SGIP1: variants seen among roughly 807,000 people sequenced by gnomAD.
SGIP1 encodes the protein SH3GL interacting endocytic adaptor 1.
A neutral mutation model predicts 107.5 loss-of-function variants in SGIP1; 38 were observed. That is an observed-to-expected ratio of 0.35 (90% CI 0.27 to 0.46). SGIP1 has a LOEUF of 0.46. SGIP1 is among the 20% of genes least tolerant of loss of function. The pLI, the probability that SGIP1 is intolerant of heterozygous loss-of-function variation, is 1.00. For missense variants in SGIP1, 929 were observed against 1,019.5 expected (o/e 0.91, Z 1.21); for synonymous variants, 365 against 366.1 (o/e 1.00, Z 0.03).
Position 66,743,230 on chromosome 1 carries a change from T to TC in SGIP1, c.*136dup. 7.6e-6 allele frequency: 6 copies of TC among 792,406 alleles called. No individual in the cohort carries two copies. Among genetic ancestry groups the TC allele is most frequent in the Non-Finnish European group, 1.2e-5 (6 of 486,362 alleles). 49.1% of individuals were successfully genotyped at this position (792,406 alleles called of 1,614,324 possible). On this transcript the variant is annotated 3_prime_UTR_variant, in exon 25 of 25. Transcript: ENST00000371037. ...ATATCAGGTGGAAAGTCAATGACTT[T>TC]CATCTGTGATTTCCCTCACACACTA... is the stretch of plus-strand genomic sequence containing the variant.
At chr1:66,685,706 C>A (rs562738383) in intron 15 of SGIP1, among the ~76,000 whole-genome samples, 1 of 152,080 alleles carries the variant, frequency 6.6e-6, no homozygotes, top group Non-Finnish European at 1.5e-5. Context: ...AGTACCTAGC[C>A]GCATGTGGTT....
intron 17 of SGIP1, chr1:66,694,631 C>A: frequency 1.6e-6 from 1 of 625,700 alleles, no homozygotes; most frequent in Non-Finnish European, 2.5e-6. Flanking sequence ...CTCAGATGCA[C>A]CCTGTATATT....
At chr1:66,673,400 T>C in intron 12 of SGIP1, 34 bp downstream of exon 12, 5 of 1,536,458 alleles carry the variant, frequency 3.3e-6, no homozygotes, top group Non-Finnish European at 3.5e-6. Context: ...TATAGATTTG[T>C]TTTTTCTTTT....
chr1:66,605,970 T>C (rs2066753194), intron 1 of SGIP1, among the ~76,000 whole-genome samples: 1 of 152,178 alleles, frequency 6.6e-6, no homozygotes, highest in Admixed American at 6.5e-5. Context: ...TTCTAGAAGG[T>C]ACAAGTCACC....
rs61221299 is a variant in SGIP1, at chr1:66,750,949, T to A, written c.*7854T>A. On this transcript the variant is annotated 3_prime_UTR_variant, in exon 25 of 25. Transcript: ENST00000371037. ...AATAATAATTTTTGTAAATGTTTTTTGTTCATAATTTTCCCAATCACCTAT... is the reference window on the plus strand; with the variant it reads ...AATAATAATTTTTGTAAATGTTTTTAGTTCATAATTTTCCCAATCACCTAT... Among the ~76,000 whole-genome samples the A allele has an allele frequency of 3.3e-3, 503 of 152,352 alleles. 2 individuals are homozygous for A. Among genetic ancestry groups the A allele is most frequent in the African/African-American group, 0.011 (449 of 41,582 alleles).
At chr1:66,538,617 A>G (rs1352402757) in intron 1 of SGIP1, among the ~76,000 whole-genome samples, 1 of 152,194 alleles carries the variant, frequency 6.6e-6, no homozygotes, top group African/African-American at 2.4e-5. Flanking sequence ...CCAACTCACA[A>G]TTTTTATGTT....
chr1:66,586,993 T>G (rs1242026801), intron 1 of SGIP1, among the ~76,000 whole-genome samples: 3 of 152,082 alleles, frequency 2.0e-5, no homozygotes, highest in African/African-American at 7.2e-5. Context: ...TAGTTTGTCT[T>G]GGCACTTAAA....
chr1:66,672,851 C>T (rs916935058), intron 11 of SGIP1, among the ~76,000 whole-genome samples: 15 of 151,630 alleles, frequency 9.9e-5, no homozygotes, highest in African/African-American at 2.4e-5. Flanking sequence ...GCTTGACTTT[C>T]GCTAATTATA....
chr1:66,739,236 G>C, intron 21 of SGIP1, 99 bp from the exon 22 acceptor site: 2 of 1,324,292 alleles, frequency 1.5e-6, no homozygotes, highest in Non-Finnish European at 2.1e-6. Flanking sequence ...TCTCACTCAC[G>C]GTTGCTTGTG....
chr1:66,661,659 G>T (rs1303859803), intron 8 of SGIP1, among the ~76,000 whole-genome samples: 1 of 152,066 alleles, frequency 6.6e-6, no homozygotes, highest in Non-Finnish European at 1.5e-5. Flanking sequence ...AATATTACTG[G>T]TGCTCTTTAA....
chr1:66,601,129 C>G (rs1396923885), intron 1 of SGIP1, among the ~76,000 whole-genome samples: 2 of 151,978 alleles, frequency 1.3e-5, no homozygotes, highest in Non-Finnish European at 2.9e-5. Context: ...TTTGGCAGGC[C>G]GAGGCGGGCG....
chr1:66,740,405 T>A (rs914547965), intron 22 of SGIP1, among the ~76,000 whole-genome samples: 4 of 152,038 alleles, frequency 2.6e-5, no homozygotes, highest in East Asian at 1.9e-4. Flanking sequence ...AGATTTATTT[T>A]AAAAAAAATT....
chr1:66,632,692 C>A (rs902698335), intron 2 of SGIP1, among the ~76,000 whole-genome samples: 2 of 152,094 alleles, frequency 1.3e-5, no homozygotes, highest in African/African-American at 2.4e-5. Flanking sequence ...GGTTTACTTG[C>A]CTCATGATAG....
intron 1 of SGIP1, among the ~76,000 whole-genome samples, chr1:66,618,421 A>G (rs1361771647): frequency 6.6e-6 from 1 of 152,238 alleles, no homozygotes; most frequent in Non-Finnish European, 1.5e-5. Context: ...ATGATTATAT[A>G]AACACTAAGC....
chr1:66,706,343 A>ATAT (rs4067496), intron 18 of SGIP1, among the ~76,000 whole-genome samples: 67,651 of 145,426 alleles, frequency 0.47, 16,335 homozygotes, highest in East Asian at 0.72. Flanking sequence ...AATATGTAAA[A>ATAT]TATAAATAAA....
At chr1:66,559,266 A>G (rs1338441036) in intron 1 of SGIP1, among the ~76,000 whole-genome samples, 1 of 152,096 alleles carries the variant, frequency 6.6e-6, no homozygotes, top group Non-Finnish European at 1.5e-5. Context: ...ATTGGTTCAT[A>G]CTTTGGGTAG....
In SGIP1 at chr1:66,695,511, T is replaced by C; in HGVS notation, c.1630+18T>C. Reference sequence around the variant, plus strand: ...TTTTGAAGGTAAGTAGTGCATAGCATACCAGATTCTAATTTATACTCCTCC... The same window carrying C: ...TTTTGAAGGTAAGTAGTGCATAGCACACCAGATTCTAATTTATACTCCTCC... On this transcript the variant is annotated intron_variant, in intron 18 of 24. Transcript: ENST00000371037. 1 of 1,611,616 alleles carries C rather than the reference T, an allele frequency of 6.2e-7. No homozygotes were observed. Among genetic ancestry groups the C allele is most frequent in the Admixed American group, 1.7e-5 (1 of 59,992 alleles).
At chr1:66,620,853 C>T (rs1006989798) in intron 1 of SGIP1, among the ~76,000 whole-genome samples, 1 of 152,190 alleles carries the variant, frequency 6.6e-6, no homozygotes, top group Non-Finnish European at 1.5e-5. Flanking sequence ...TGAGGTTTTG[C>T]CCTAACAAAC....
intron 1 of SGIP1, among the ~76,000 whole-genome samples, chr1:66,549,249 C>A (rs759694867): frequency 2.1e-5 from 3 of 143,572 alleles, no homozygotes; most frequent in Non-Finnish European, 4.6e-5. Flanking sequence ...TTCTTTTTTC[C>A]TTTTTAAGCT....
Sources: gnomAD v4.1 joint callset for allele counts (sites outside exome capture counted in the v4.1 genomes callset) on GRCh38, gnomAD v4.1.1 for gene constraint, MANE v1.5 for transcripts, NCBI Gene and HGNC (gene_info 2026-07-23, HGNC 2026-07-21) for gene names.